The following RUFY3 variants were observed in gnomAD, a reference collection of about 807,000 sequenced individuals.
RUFY3 encodes RUN and FYVE domain containing 3, also known as protein RUFY3.
RUFY3 carries 34 observed loss-of-function variants against 84.0 expected under a neutral mutation model. That is an observed-to-expected ratio of 0.40 (90% CI 0.31 to 0.54). The LOEUF is 0.54. Among genes scored for constraint, RUFY3 ranks in the 20% least tolerant of loss-of-function variants. RUFY3 has a pLI of 0.39. For synonymous variants in RUFY3, 242 were observed against 252.9 expected (o/e 0.96, Z 0.41); for missense variants, 507 against 736.8 (o/e 0.69, Z 3.61).
At chr4:70,771,557 A>G (rs957535793) in intron 5 of RUFY3, among the ~76,000 whole-genome samples, 3 of 152,142 alleles carry the variant, frequency 2.0e-5, no homozygotes, top group Non-Finnish European at 4.4e-5. Context: ...TTTTTGAGAC[A>G]AAGTCTCACT....
At chr4:70,762,967 C>T (rs1725280068) in intron 2 of RUFY3, among the ~76,000 whole-genome samples, 1 of 152,082 alleles carries the variant, frequency 6.6e-6, no homozygotes, top group Admixed American at 6.6e-5. Context: ...GGAAATAGGC[C>T]TGCCCAGAAT....
chr4:70,789,720 A>T, intron 12 of RUFY3, 128 bp downstream of exon 12: 1 of 1,371,256 alleles, frequency 7.3e-7, no homozygotes, highest in Non-Finnish European at 9.5e-7. Flanking sequence ...ATTCTGGTAG[A>T]AAAAAGCCAG....
chr4:70,732,676 A>C (rs182461508), intron 1 of RUFY3, among the ~76,000 whole-genome samples: 159 of 150,998 alleles, frequency 1.1e-3, no homozygotes, highest in South Asian at 1.7e-3. Context: ...CAAACACCGC[A>C]TGTTCTCACT....
chr4:70,734,655 C>T (rs1176268210), intron 1 of RUFY3: 1 of 706,930 alleles, frequency 1.4e-6, no homozygotes, highest in Admixed American at 6.3e-5. Context: ...TGAGAAATAT[C>T]AGTAGCTCTG....
At chr4:70,723,806 G>A (rs949367146) in intron 1 of RUFY3, among the ~76,000 whole-genome samples, 1 of 152,170 alleles carries the variant, frequency 6.6e-6, no homozygotes, top group Non-Finnish European at 1.5e-5. Flanking sequence ...TAGCAGATGG[G>A]GTTAGGAAAG....
intron 8 of RUFY3, among the ~76,000 whole-genome samples, chr4:70,779,146 A>G (rs114226289): frequency 0.015 from 2,305 of 152,338 alleles, 29 homozygotes; most frequent in Middle Eastern, 0.051. Flanking sequence ...CAGATTGGCA[A>G]ACTCCCCACC....
intron 1 of RUFY3, chr4:70,741,565 T>C: frequency 7.0e-7 from 1 of 1,427,928 alleles, no homozygotes; most frequent in Non-Finnish European, 9.4e-7. Context: ...TAATAGCACT[T>C]TTCTTTCTGG....
At chr4:70,749,419 G>A (rs953085651) in intron 1 of RUFY3, among the ~76,000 whole-genome samples, 1 of 151,704 alleles carries the variant, frequency 6.6e-6, no homozygotes, top group Non-Finnish European at 1.5e-5. Context: ...ATCTATTAAA[G>A]ATTAGAGAAA....
At chr4:70,713,516 C>T (rs1741231556) in intron 1 of RUFY3, among the ~76,000 whole-genome samples, 1 of 151,838 alleles carries the variant, frequency 6.6e-6, no homozygotes, top group African/African-American at 2.4e-5. Flanking sequence ...TCCCTACCGA[C>T]CGGACAAGAT....
At chr4:70,764,448 A>T (rs754056104) in intron 3 of RUFY3, 27 bp from the exon 4 acceptor site, 2 of 1,466,900 alleles carry the variant, frequency 1.4e-6, no homozygotes, top group Non-Finnish European at 1.9e-6. Flanking sequence ...TTATGTTTTC[A>T]GTTGTTTGAT....
rs150195936 is a variant in RUFY3, at chr4:70,710,528, G to A, written c.358+5234G>A. 5.3e-4 allele frequency among the ~76,000 whole-genome samples: 80 copies of A among 151,458 alleles called. 1 individual carries two copies. The highest frequency in any genetic ancestry group is 1.7e-3 in the African/African-American group (72 of 41,342). On this transcript the variant is annotated intron_variant, in intron 1 of 11. Coordinates refer to the RUFY3 transcript ENST00000417478. ...TCTACTAAAAATACAAAATTAGCTG[G>A]GCATGGTGACGCACACCTGTGATCC...
At chr4:70,763,718 C>T in intron 3 of RUFY3, 49 bp downstream of exon 3, 3 of 1,587,682 alleles carry the variant, frequency 1.9e-6, no homozygotes, top group Non-Finnish European at 1.7e-6. Context: ...TTCTTATTAA[C>T]TATCCCTTGA....
intron 2 of RUFY3, 47 bp downstream of exon 2, chr4:70,762,739 G>A (rs1315622412): frequency 6.7e-7 from 1 of 1,495,112 alleles, no homozygotes; most frequent in African/African-American, 1.4e-5. Context: ...CTGTTTTCTA[G>A]CAATGCATAC....
intron 1 of RUFY3, among the ~76,000 whole-genome samples, chr4:70,746,290 G>C (rs190927648): frequency 6.6e-6 from 1 of 151,562 alleles, no homozygotes; most frequent in Non-Finnish European, 1.5e-5. Context: ...GTTGCAGTGA[G>C]TCAAGATCAT....
At chr4:70,792,229 T>C (rs1730942810) in intron 12 of RUFY3, 2 of 985,342 alleles carry the variant, frequency 2.0e-6, no homozygotes, top group South Asian at 9.4e-5. Context: ...CTGCCTGGCC[T>C]GTCATTTCTT....
At chr4:70,738,193 TGTC>T (rs1157915203) in intron 1 of RUFY3, among the ~76,000 whole-genome samples, 1 of 151,402 alleles carries the variant, frequency 6.6e-6, no homozygotes, top group Non-Finnish European at 1.5e-5. Context: ...TTCGCCATGT[TGTC>T]TAGGCTGGTC....
chr4:70,761,422 G>T (rs934642027), intron 1 of RUFY3, among the ~76,000 whole-genome samples: 6 of 152,232 alleles, frequency 3.9e-5, no homozygotes, highest in African/African-American at 1.4e-4. Context: ...GTGCCCATGG[G>T]CCGGCTGCAA....
chr4:70,706,072 G>A (rs1280278476), intron 1 of RUFY3, among the ~76,000 whole-genome samples: 1 of 152,170 alleles, frequency 6.6e-6, no homozygotes, highest in East Asian at 1.9e-4. Flanking sequence ...TTAGTGAACT[G>A]TTTACTGTGC....
At chr4:70,759,486 G>A (rs1026793875) in intron 1 of RUFY3, among the ~76,000 whole-genome samples, 8 of 152,066 alleles carry the variant, frequency 5.3e-5, no homozygotes, top group Admixed American at 4.6e-4. Flanking sequence ...TTAAACATGG[G>A]AATGCAGCTA....
Sources: gnomAD v4.1 joint callset for allele counts (sites outside exome capture counted in the v4.1 genomes callset) on GRCh38, gnomAD v4.1.1 for gene constraint, MANE v1.5 for transcripts, NCBI Gene and HGNC (gene_info 2026-07-23, HGNC 2026-07-21) for gene names.